NSMCE2: variants seen among roughly 807,000 people sequenced by gnomAD.
NSMCE2 encodes NSE2 SUMO ligase component of SMC5/6 complex.
NSMCE2 carries 24 observed loss-of-function variants against 23.8 expected under a neutral mutation model. The observed-to-expected ratio is 1.01, with a 90% confidence interval of 0.73 to 1.42. The LOEUF is 1.42. Among genes scored for constraint, NSMCE2 ranks in the 40% most tolerant of loss-of-function variants. The pLI is 0.00. For synonymous variants in NSMCE2, 92 were observed against 94.1 expected, an observed-to-expected ratio of 0.98 and a Z score of 0.13; for missense variants, 284 against 296.5, an observed-to-expected ratio of 0.96 and a Z score of 0.31.
At chr8:125,192,956 T>A (rs1385179360) in intron 5 of NSMCE2, among the ~76,000 whole-genome samples, 1 of 152,216 alleles carries the variant, frequency 6.6e-6, no homozygotes, top group East Asian at 1.9e-4. Flanking sequence ...TCTGAAGTAA[T>A]GAAGCAAAAG....
intron 5 of NSMCE2, among the ~76,000 whole-genome samples, chr8:125,191,457 G>A (rs1823340123): frequency 6.6e-6 from 1 of 152,168 alleles, no homozygotes; most frequent in African/African-American, 2.4e-5. Context: ...TGAATCATCT[G>A]TTTGGATCTT....
intron 4 of NSMCE2, among the ~76,000 whole-genome samples, chr8:125,178,229 A>G (rs751440202): frequency 9.2e-5 from 14 of 152,160 alleles, no homozygotes; most frequent in Non-Finnish European, 2.1e-4. Flanking sequence ...TCTCAGTTCT[A>G]TAACCTGGCC....
At chr8:125,316,873 G>A (rs1333696947) in intron 5 of NSMCE2, among the ~76,000 whole-genome samples, 2 of 151,712 alleles carry the variant, frequency 1.3e-5, no homozygotes, top group African/African-American at 2.4e-5. Flanking sequence ...CTACCTCTCA[G>A]ACTCAAGGAA....
chr8:125,307,940 G>A (rs1309534178), intron 5 of NSMCE2, among the ~76,000 whole-genome samples: 3 of 152,104 alleles, frequency 2.0e-5, no homozygotes, highest in Admixed American at 6.5e-5. Flanking sequence ...AAACTGGGGG[G>A]TTTCACATAA....
At chr8:125,188,347 C>T (rs992540922) in intron 5 of NSMCE2, among the ~76,000 whole-genome samples, 2 of 152,138 alleles carry the variant, frequency 1.3e-5, no homozygotes, top group Non-Finnish European at 2.9e-5. Context: ...GGCCTAGGTA[C>T]AGTGTAGTAT....
intron 3 of NSMCE2, among the ~76,000 whole-genome samples, chr8:125,135,578 G>T (rs1226192505): frequency 1.3e-5 from 2 of 152,002 alleles, no homozygotes; most frequent in Non-Finnish European, 2.9e-5. Flanking sequence ...TAAGGTACGA[G>T]GTATAGATCA....
At chr8:125,130,152 G>T in intron 3 of NSMCE2, 1 of 433,928 alleles carries the variant, frequency 2.3e-6, no homozygotes, top group Non-Finnish European at 4.7e-6. Context: ...TAGGTGTTTT[G>T]TAGAATGTCT....
intron 5 of NSMCE2, among the ~76,000 whole-genome samples, chr8:125,311,388 C>T (rs1678653961): frequency 6.6e-6 from 1 of 152,208 alleles, no homozygotes; most frequent in South Asian, 2.1e-4. Flanking sequence ...ATAAAATCTC[C>T]AAAGAAGGAA....
chr8:125,112,453 A>G lies in NSMCE2; in HGVS notation c.157+9966A>G, dbSNP rs114038581. ...TCTGCCTTCTCATATTCACTGCAAC[A>G]TTATTCACAATAGCCAAGATACAGA... On this transcript the variant is annotated intron_variant, in intron 3 of 7. Transcript: ENST00000287437. Among the ~76,000 whole-genome samples, 1,056 of 152,338 alleles carry G rather than the reference A, an allele frequency of 6.9e-3. 9 individuals carry two copies. The highest frequency in any genetic ancestry group is 0.024 in the African/African-American group (1,009 of 41,582).
chr8:125,341,485 A>G (rs1830242166), intron 5 of NSMCE2, among the ~76,000 whole-genome samples: 1 of 152,226 alleles, frequency 6.6e-6, no homozygotes, highest in South Asian at 2.1e-4. Context: ...AATGCGAAGC[A>G]AGATCAACCA....
chr8:125,332,120 G>T (rs1829904151), intron 5 of NSMCE2, among the ~76,000 whole-genome samples: 1 of 152,136 alleles, frequency 6.6e-6, no homozygotes, highest in Non-Finnish European at 1.5e-5. Flanking sequence ...AAGAACAGGA[G>T]TTGTACTCTA....
At chr8:125,356,241 G>C (rs1028983857) in intron 5 of NSMCE2, among the ~76,000 whole-genome samples, 3 of 151,848 alleles carry the variant, frequency 2.0e-5, no homozygotes, top group Non-Finnish European at 2.9e-5. Context: ...TGTATGGGGG[G>C]GGGTGTTCTG....
chr8:125,144,956 A>G (rs1359911368), intron 3 of NSMCE2, among the ~76,000 whole-genome samples: 1 of 152,202 alleles, frequency 6.6e-6, no homozygotes, highest in Non-Finnish European at 1.5e-5. Flanking sequence ...TGTCTAATGA[A>G]TAGTGTGACT....
chr8:125,102,366 T>C lies in NSMCE2; in HGVS notation c.36T>C (p.Thr12=), dbSNP rs1407864156. Residue 12 remains threonine (T), a synonymous_variant, in exon 3 of 8, where the codon ACT becomes ACC. Coordinates refer to ENST00000287437, the MANE Select transcript of NSMCE2 (RefSeq NM_173685.4). ...PGRSSSNSGS[T]GFISFSGVES... ...GTTCCAGTTCAAATTCAGGTTCAACTGGTTTCATCTCCTTCAGTGGTGTAG... is the reference window on the plus strand; with the variant it reads ...GTTCCAGTTCAAATTCAGGTTCAACCGGTTTCATCTCCTTCAGTGGTGTAG... 2.5e-6 allele frequency: 4 copies of C among 1,613,930 alleles called. No homozygotes were observed. The highest frequency in any genetic ancestry group is 3.4e-6 in the Non-Finnish European group (4 of 1,179,782).
At chr8:125,112,903 CA>C (rs1191643224) in intron 3 of NSMCE2, among the ~76,000 whole-genome samples, 1 of 152,136 alleles carries the variant, frequency 6.6e-6, no homozygotes, top group East Asian at 1.9e-4. Flanking sequence ...TTTTCACTAC[CA>C]ATAACTGATT....
intron 3 of NSMCE2, among the ~76,000 whole-genome samples, chr8:125,133,214 AG>A (rs1377875786): frequency 6.6e-6 from 1 of 152,242 alleles, no homozygotes; most frequent in Non-Finnish European, 1.5e-5. Flanking sequence ...TAAATTTAGA[AG>A]GAATATTCAG....
At chr8:125,241,693 A>G (rs916106415) in intron 5 of NSMCE2, among the ~76,000 whole-genome samples, 5 of 152,254 alleles carry the variant, frequency 3.3e-5, no homozygotes, top group Non-Finnish European at 5.9e-5. Context: ...ATAGTAAGCC[A>G]GGTAAACAGT....
chr8:125,291,360 A>G (rs2131163518), intron 5 of NSMCE2, among the ~76,000 whole-genome samples: 1 of 152,372 alleles, frequency 6.6e-6, no homozygotes, highest in South Asian at 2.1e-4. Context: ...AAATTTTAAT[A>G]AATTTAATTA....
At chr8:125,331,062 G>A (rs1586780714) in intron 5 of NSMCE2, among the ~76,000 whole-genome samples, 1 of 152,222 alleles carries the variant, frequency 6.6e-6, no homozygotes, top group African/African-American at 2.4e-5. Flanking sequence ...AGCACTTTGG[G>A]AGGCTGAGGC....
Sources: gnomAD v4.1 joint callset for allele counts (sites outside exome capture counted in the v4.1 genomes callset) on GRCh38, gnomAD v4.1.1 for gene constraint, MANE v1.5 for transcripts, NCBI Gene and HGNC (gene_info 2026-07-23, HGNC 2026-07-21) for gene names.